Variants in NOD1 observed in about 807,000 individuals in gnomAD.
NOD1 encodes the protein nucleotide-binding oligomerization domain-containing protein 1.
Under a neutral mutation model 81.2 loss-of-function variants are expected in NOD1, and 70 were observed. The observed-to-expected ratio is 0.86, with a 90% CI of 0.71 to 1.05. The LOEUF (loss-of-function observed/expected upper bound fraction) is 1.05, where lower values mean the gene tolerates loss of function less well. Ranked by LOEUF, NOD1 falls within the 50% of genes least tolerant of loss-of-function variation. The pLI is 0.00. For synonymous variants in NOD1, 508 were observed against 526.9 expected (o/e 0.96, Z 0.49); for missense variants, 1,233 against 1,228.0 (o/e 1.00, Z -0.06).
Position 30,437,234 on chromosome 7 carries a change from G to T in NOD1, c.2537+339C>A, listed in dbSNP as rs368955529. ...CACCAGGGCCTGTTGGGGGTGGGGG[G>T]CAAGGGGAGGGCAAGCATTAGGACA... On this transcript the variant is annotated intron_variant, in intron 10 of 13. Transcript: ENST00000222823. 4.6e-5 allele frequency among the ~76,000 whole-genome samples: 7 copies of T among 151,902 alleles called. No homozygotes were observed. In the East Asian group the frequency reaches 7.7e-4, roughly 17 times the overall value.
intron 1 of NOD1, among the ~76,000 whole-genome samples, chr7:30,476,554 G>A (rs978414570): frequency 2.0e-5 from 3 of 152,224 alleles, no homozygotes; most frequent in Admixed American, 6.5e-5. Context: ...GATGTTGTCA[G>A]CAGGGAGCAA....
intron 5 of NOD1, 84 bp downstream of exon 5, chr7:30,455,053 A>G: frequency 7.5e-7 from 1 of 1,335,628 alleles, no homozygotes; most frequent in Non-Finnish European, 1.0e-6. Context: ...CTGAGGTGGC[A>G]CTCAGGGCTG....
chr7:30,456,338 G>A (rs115461097), intron 4 of NOD1, among the ~76,000 whole-genome samples: 1,636 of 152,282 alleles, frequency 0.011, 27 homozygotes, highest in African/African-American at 0.035. Flanking sequence ...ACCCTGAGTC[G>A]GTTCCCCTCC....
chr7:30,475,520 T>C (rs1788677542), intron 1 of NOD1, among the ~76,000 whole-genome samples: 1 of 152,206 alleles, frequency 6.6e-6, no homozygotes, highest in South Asian at 2.1e-4. Context: ...TGCAGTATAA[T>C]ACAAAATTGC....
chr7:30,446,812 A>G (rs1785138946), intron 8 of NOD1, 155 bp downstream of exon 8: 2 of 624,594 alleles, frequency 3.2e-6, no homozygotes, highest in African/African-American at 3.7e-5. Flanking sequence ...CAAGCCTCAC[A>G]GATCACACAG....
chr7:30,449,402 A>C (rs940375956), intron 6 of NOD1, among the ~76,000 whole-genome samples: 1 of 152,140 alleles, frequency 6.6e-6, no homozygotes, highest in Non-Finnish European at 1.5e-5. Flanking sequence ...TTCTGCCCAT[A>C]CCATTAAGTT....
intron 11 of NOD1, among the ~76,000 whole-genome samples, chr7:30,434,617 G>C (rs1343071805): frequency 1.3e-5 from 2 of 152,184 alleles, no homozygotes; most frequent in African/African-American, 4.8e-5. Flanking sequence ...GAAAGGAAAG[G>C]TTATTTTGGA....
At position 30,473,740 on chromosome 7, in the gene NOD1, T is replaced by C. The variant is rs184640242; in HGVS notation, c.-352+4866A>G. Among the ~76,000 whole-genome samples the C allele has an allele frequency of 2.6e-5, 4 of 152,250 alleles. No homozygotes were observed. In the East Asian group the frequency reaches 7.7e-4, roughly 29 times the overall value. The stretch of plus-strand genomic sequence containing the variant: ...GAGCATAAGCACATCTGACTGTTAA[T>C]GGCAGGAGATGGGCATCAGGAGGTA... On this transcript the variant is annotated intron_variant, in intron 1 of 13. Coordinates refer to ENST00000222823, the MANE Select transcript of NOD1 (RefSeq NM_006092.4).
chr7:30,469,207 G>A, intron 1 of NOD1: 1 of 985,424 alleles, frequency 1.0e-6, no homozygotes. Flanking sequence ...TGCCATGCCA[G>A]AACACTATAG....
At chr7:30,445,211 T>C (rs1279335270) in intron 9 of NOD1, among the ~76,000 whole-genome samples, 1 of 98,724 alleles carries the variant, frequency 1.0e-5, no homozygotes. Context: ...TGTATACATA[T>C]GTAACTAACC....
rs1197086439 is a variant in NOD1, at chr7:30,456,918, C to T, written c.4G>A (p.Glu2Lys). 1 of 1,613,998 alleles carries T rather than the reference C, an allele frequency of 6.2e-7. No individual in the cohort carries two copies. The highest frequency in any genetic ancestry group is 1.1e-5 in the South Asian group (1 of 91,074). MEEQGHSEMEII... is the reference protein window; with the variant it reads MKEQGHSEMEII... ...TCCATCTCACTGTGGCCCTGCTCTT[C>T]CATAGTTAAAGTAGCAAGCGGCTAC... The change falls in exon 4 of 14, where the codon GAA becomes AAA. Residue 2 changes from glutamate (E) to lysine (K), a missense_variant. By Grantham distance (56) the Glu-to-Lys change is moderately conservative (BLOSUM62 1). Coordinates refer to ENST00000222823, the MANE Select transcript of NOD1 (RefSeq NM_006092.4).
intron 1 of NOD1, chr7:30,460,785 GC>G (rs1786974668): frequency 1.4e-6 from 1 of 737,008 alleles, no homozygotes. Context: ...CTAGCTTTCT[GC>G]CCTCAGAGAG....
chr7:30,453,992 A>G (rs1167194140), intron 5 of NOD1, among the ~76,000 whole-genome samples: 4 of 152,050 alleles, frequency 2.6e-5, no homozygotes, highest in African/African-American at 9.7e-5. Context: ...AAGTCTTTCG[A>G]AAGAATGATT....
In NOD1 at chr7:30,436,035, TC is replaced by T; in HGVS notation, c.2583del (p.Arg862GlyfsTer9). The T allele has an allele frequency of 1.2e-6, 2 of 1,613,990 alleles. No individual in the cohort carries two copies. The highest frequency in any genetic ancestry group is 1.7e-6 in the Non-Finnish European group (2 of 1,179,846). On this transcript the variant is annotated frameshift_variant, in exon 11 of 14. Coordinates refer to ENST00000222823, the MANE Select transcript of NOD1 (RefSeq NM_006092.4). LOFTEE classifies it high-confidence loss of function. ...GISTEGGKSLARALQQNTSLE... is the reference protein window; with the variant it reads ...GISTEGGKSLXRALQQNTSLE... ...AGAGACGTGTTCTGCTGCAGGGCCC[TC>T]GCAAGGCTCTTTCCTCCTTCTGTGG...
chr7:30,453,187 T>G (rs970901119), intron 5 of NOD1, 147 bp from the exon 6 acceptor site: 5 of 797,324 alleles, frequency 6.3e-6, no homozygotes, highest in African/African-American at 1.7e-5. Flanking sequence ...ACTCCTCAGA[T>G]GCAGGACCTG....
At chr7:30,437,538 A>C in intron 10 of NOD1, 35 bp downstream of exon 10, 1 of 1,391,280 alleles carries the variant, frequency 7.2e-7, no homozygotes. Context: ...GGGAGGGACC[A>C]GGTTGGCCCC....
At chr7:30,431,015 G>A (rs1424367666) in intron 12 of NOD1, among the ~76,000 whole-genome samples, 1 of 152,234 alleles carries the variant, frequency 6.6e-6, no homozygotes, top group Non-Finnish European at 1.5e-5. Context: ...AGGCAGGGAA[G>A]GCAGCCTCCA....
chr7:30,454,074 T>C (rs1786086581), intron 5 of NOD1, among the ~76,000 whole-genome samples: 1 of 151,982 alleles, frequency 6.6e-6, no homozygotes, highest in African/African-American at 2.4e-5. Flanking sequence ...GCAGACAGAG[T>C]CAGAAGCTAG....
At chr7:30,448,209 G>C (rs1305158123) in intron 7 of NOD1, 89 bp downstream of exon 7, 2 of 1,110,588 alleles carry the variant, frequency 1.8e-6, no homozygotes, top group African/African-American at 1.5e-5. Flanking sequence ...CATCCGTGCC[G>C]ATCATCCAGG....
Sources: gnomAD v4.1 joint callset for allele counts (sites outside exome capture counted in the v4.1 genomes callset) on GRCh38, gnomAD v4.1.1 for gene constraint, MANE v1.5 for transcripts, NCBI Gene and HGNC (gene_info 2026-07-23, HGNC 2026-07-21) for gene names.